Variants in RAPGEF1 observed in about 807,000 individuals in gnomAD.
The protein encoded by RAPGEF1 is CRK SH3-binding GNRP.
RAPGEF1 carries 33 observed loss-of-function variants against 143.3 expected under a neutral mutation model. The observed-to-expected ratio is 0.23, with a 90% CI of 0.17 to 0.31. RAPGEF1 has a LOEUF of 0.31. Ranked by LOEUF, RAPGEF1 falls within the 10% of genes least tolerant of loss-of-function variation. The probability of loss-of-function intolerance (pLI) is 1.00; values close to 1 mark genes in which losing one functional copy is unlikely to be tolerated. For missense variants in RAPGEF1, 1,199 were observed against 1,645.4 expected (o/e 0.73, Z 4.69); for synonymous variants, 629 against 676.5 (o/e 0.93, Z 1.09).
chr9:131,734,565 A>G (rs1047727073), intron 1 of RAPGEF1, among the ~76,000 whole-genome samples: 3 of 152,184 alleles, frequency 2.0e-5, no homozygotes, highest in Non-Finnish European at 4.4e-5. Context: ...GGTGCCATCA[A>G]AATGTCTCAT....
intron 12 of RAPGEF1, among the ~76,000 whole-genome samples, chr9:131,606,369 G>A (rs889174547): frequency 2.6e-5 from 4 of 152,196 alleles, no homozygotes; most frequent in Non-Finnish European, 5.9e-5. Context: ...AGCTGGGAGA[G>A]CGCTGTGGGG....
chr9:131,715,502 C>G (rs902837893), intron 1 of RAPGEF1, among the ~76,000 whole-genome samples: 2 of 151,984 alleles, frequency 1.3e-5, no homozygotes, highest in Admixed American at 6.6e-5. Context: ...TGCCGGCAAA[C>G]CACGTGTTCA....
intron 1 of RAPGEF1, among the ~76,000 whole-genome samples, chr9:131,664,436 ATG>A (rs2130598820): frequency 6.6e-6 from 1 of 152,290 alleles, no homozygotes; most frequent in South Asian, 2.1e-4. Context: ...ATAATTAAAT[ATG>A]AGTGTGTATA....
intron 1 of RAPGEF1, among the ~76,000 whole-genome samples, chr9:131,715,863 CAA>C (rs145340457): frequency 5.5e-5 from 4 of 72,502 alleles, no homozygotes; most frequent in Non-Finnish European, 6.6e-5. Flanking sequence ...GACTCCCTCT[CAA>C]AAAAAAAAAA....
rs1342575366 is a variant in RAPGEF1 at position 131,628,071 on chromosome 9, T to C, written c.1043A>G (p.Gln348Arg). Reference sequence around the variant, plus strand: ...GTGGCTGCCTCCTGACAGTCGCCTCTGTGCGTAACAGTCAACATCAAAATC... The same window carrying C: ...GTGGCTGCCTCCTGACAGTCGCCTCCGTGCGTAACAGTCAACATCAAAATC... Reference protein sequence around the residue: ...RQDFDVDCYAQRRLSGGSHSY... With the variant: ...RQDFDVDCYARRRLSGGSHSY... Residue 348 changes from glutamine to arginine, a missense_variant, in exon 9 of 27, where the codon CAG (glutamine) becomes CGG (arginine). By Grantham distance (43) the Gln-to-Arg change is conservative. Transcript: ENST00000683357. This position sits in a 1 kb window ranked among gnomAD's most constrained non-coding sequence, Gnocchi z 5.7. The C allele has an allele frequency of 6.4e-7, 1 of 1,555,718 alleles. No individual in the cohort carries two copies. Among genetic ancestry groups the C allele is most frequent in the African/African-American group, 1.4e-5 (1 of 73,086 alleles).
intron 3 of RAPGEF1, among the ~76,000 whole-genome samples, chr9:131,649,200 A>ATTTTTTTTTTTTTTTTTTTTTTT (rs55813422): frequency 1.1e-5 from 1 of 87,236 alleles, no homozygotes. Flanking sequence ...GCCTGGCTAA[A>ATTTTTTTTTTTTTTTTTTTTTTT]TTTTTTTTTT....
In RAPGEF1 at chr9:131,579,532, T is replaced by G; in HGVS notation, c.3757A>C (p.Thr1253Pro). The G allele has an allele frequency of 6.2e-7, 1 of 1,614,014 alleles. No homozygotes were observed. Among genetic ancestry groups the G allele is most frequent in the Non-Finnish European group, 8.5e-7 (1 of 1,179,870 alleles). ...LSLKIKPRNI[T>P]RRKTDREEKT ...TCTTCCCGGTCTGTTTTTCTCCTTG[T>G]TATGTTCCTGGGTTTAATTTTCAGA... Residue 1253 changes from threonine (T) to proline (P), a missense_variant, in exon 27 of 27, where the codon ACA (threonine) becomes CCA (proline). By Grantham distance (38) the Thr-to-Pro change is conservative (BLOSUM62 -1). This residue lies in a region of RAPGEF1 where 67 missense variants were observed against 105.4 expected (regional missense o/e 0.64). Coordinates refer to ENST00000683357, the MANE Select transcript of RAPGEF1 (RefSeq NM_001377935.1).
chr9:131,688,684 C>A (rs936500334), intron 1 of RAPGEF1, among the ~76,000 whole-genome samples: 1 of 152,102 alleles, frequency 6.6e-6, no homozygotes, highest in Admixed American at 6.6e-5. Context: ...GTAATCCCAA[C>A]ACTTTGGGAG....
intron 1 of RAPGEF1, among the ~76,000 whole-genome samples, chr9:131,662,372 TCA>T (rs1356463088): frequency 6.6e-6 from 1 of 152,106 alleles, no homozygotes; most frequent in Non-Finnish European, 1.5e-5. Context: ...CTCTTATCCT[TCA>T]TTTTCCCCCA....
intron 1 of RAPGEF1, among the ~76,000 whole-genome samples, chr9:131,713,849 G>A (rs1252574310): frequency 1.3e-5 from 2 of 152,046 alleles, no homozygotes; most frequent in African/African-American, 2.4e-5. Flanking sequence ...GATACTCAAT[G>A]AGAATAGCTG....
At chr9:131,666,191 G>C (rs140293457) in intron 1 of RAPGEF1, among the ~76,000 whole-genome samples, 6 of 152,290 alleles carry the variant, frequency 3.9e-5, no homozygotes, top group African/African-American at 1.4e-4. Flanking sequence ...ACGAGTCAGA[G>C]ACAACTCATT....
intron 18 of RAPGEF1, among the ~76,000 whole-genome samples, chr9:131,590,273 C>G (rs1187277148): frequency 6.7e-6 from 1 of 148,716 alleles, no homozygotes; most frequent in South Asian, 2.2e-4. Context: ...CCCCGAGGTG[C>G]CCATGAGATT....
intron 22 of RAPGEF1, among the ~76,000 whole-genome samples, chr9:131,586,795 A>AAC (rs71372752): frequency 0.3 from 6,212 of 20,400 alleles, 1,883 homozygotes; most frequent in Non-Finnish European, 0.37. Flanking sequence ...GACTCCGTCA[A>AAC]ACACACACAC....
chr9:131,656,256 T>C (rs77232709), intron 1 of RAPGEF1, among the ~76,000 whole-genome samples: 7,504 of 152,318 alleles, frequency 0.049, 281 homozygotes, highest in Non-Finnish European at 0.08. Flanking sequence ...CCCACTCTTC[T>C]CTTCCTTTGG....
chr9:131,662,060 G>T (rs765727821), intron 1 of RAPGEF1, among the ~76,000 whole-genome samples: 1 of 152,150 alleles, frequency 6.6e-6, no homozygotes, highest in Admixed American at 6.5e-5. Flanking sequence ...GCTCGCCTAA[G>T]AATTAAAACC....
rs746505977 is a variant in RAPGEF1, at chr9:131,737,366, G to A, written c.61+2404C>T. ...TAGCACAAACACTGTCCCCTCCAGT[G>A]TCTTCCTCATTCCCGCACTCATGAC... On this transcript the variant is annotated intron_variant, in intron 1 of 26. Coordinates refer to ENST00000683357, the MANE Select transcript of RAPGEF1 (RefSeq NM_001377935.1). 1.9e-6 allele frequency: 3 copies of A among 1,613,646 alleles called. 1 individual carries two copies. Among genetic ancestry groups the A allele is most frequent in the South Asian group, 1.1e-5 (1 of 91,070 alleles).
rs771328522 is a variant in RAPGEF1 at position 131,627,986 on chromosome 9, C to T, written c.1128G>A (p.Lys376=). The T allele has an allele frequency of 2.5e-6, 4 of 1,593,046 alleles. No individual in the cohort carries two copies. In the Admixed American group the frequency reaches 5.3e-5, roughly 21 times the overall value. The change falls in exon 9 of 27, where the codon AAG becomes AAA. Residue 376 remains lysine (K), a synonymous_variant. Coordinates refer to ENST00000683357, the MANE Select transcript of RAPGEF1 (RefSeq NM_001377935.1). ...SPCSSIGKLS[K]SDEQLSSLDR... is the part of the protein sequence containing the mutation. Reference sequence around the variant, plus strand: ...CCAGAGAGGACAGCTGCTCGTCTGACTTGCTGAGCTTGCCTATGCTGCTGC... The same window carrying T: ...CCAGAGAGGACAGCTGCTCGTCTGATTTGCTGAGCTTGCCTATGCTGCTGC...
In RAPGEF1 at chr9:131,733,575, C is replaced by T. The variant is rs577294071; in HGVS notation, c.61+6195G>A. Among the ~76,000 whole-genome samples, 29 of 152,266 alleles carry T rather than the reference C, an allele frequency of 1.9e-4. No homozygotes were observed. In the East Asian group the frequency reaches 5.2e-3, roughly 27 times the overall value. On this transcript the variant is annotated intron_variant, in intron 1 of 26. Transcript: ENST00000683357. ...TGACTGGCCTGCTGGATGACAGATC[C>T]CTTAATAATTCACAAACGGTGGGTT...
chr9:131,664,445 T>C (rs917433204), intron 1 of RAPGEF1, among the ~76,000 whole-genome samples: 1 of 152,192 alleles, frequency 6.6e-6, no homozygotes, highest in Non-Finnish European at 1.5e-5. Flanking sequence ...TATGAGTGTG[T>C]ATATATCTAT....
Sources: allele counts gnomAD v4.1 joint callset (sites outside exome capture counted in the v4.1 genomes callset), GRCh38; gene constraint gnomAD v4.1.1; regional missense constraint gnomAD v4.1.1; non-coding constraint Gnocchi (gnomAD v3.1); transcripts MANE v1.5; gene names NCBI Gene and HGNC (gene_info 2026-07-23, HGNC 2026-07-21).